Variants in SLC25A21 observed in about 807,000 individuals in gnomAD.
SLC25A21 encodes solute carrier family 25 member 21.
SLC25A21 carries 47 observed loss-of-function variants against 43.8 expected under a neutral mutation model. The observed-to-expected ratio is 1.07, with a 90% confidence interval of 0.85 to 1.37. The LOEUF is 1.37. SLC25A21 is among the 40% of genes most tolerant of loss of function. The pLI is 0.00. For missense variants in SLC25A21, 352 were observed against 350.2 expected (o/e 1.00, Z -0.04); for synonymous variants, 131 against 121.3 (o/e 1.08, Z -0.52).
intron 3 of SLC25A21, among the ~76,000 whole-genome samples, chr14:36,752,763 C>G (rs1426386545): frequency 1.3e-5 from 2 of 152,136 alleles, no homozygotes; most frequent in African/African-American, 4.8e-5. Flanking sequence ...AGCAGTTACC[C>G]TCATGCTGTT....
chr14:36,796,743 C>T (rs1360580883), intron 3 of SLC25A21, among the ~76,000 whole-genome samples: 1 of 152,094 alleles, frequency 6.6e-6, no homozygotes, highest in Non-Finnish European at 1.5e-5. Context: ...CAAAAACCTG[C>T]CAAGATCCAT....
At chr14:36,825,963 C>A (rs1305619748) in intron 2 of SLC25A21, among the ~76,000 whole-genome samples, 1 of 152,106 alleles carries the variant, frequency 6.6e-6, no homozygotes, top group African/African-American at 2.4e-5. Context: ...CAGTCACTCC[C>A]AAGTAATACC....
Position 36,725,646 on chromosome 14 carries a change from A to G in SLC25A21, c.362T>C (p.Leu121Pro). The change falls in exon 6 of 10, where the codon CTA becomes CCA. Residue 121 changes from leucine (L) to proline (P), a missense_variant. Physicochemically the swap from Leu to Pro is moderately conservative, Grantham distance 98. Transcript: ENST00000331299. The part of the protein sequence containing the change: ...TFAIAGLGSG[L>P]TEAIVVNPFE... ...AGGGTTAACTACAATGGCTTCTGTTAGTCCAGATCCCAATCCAGCAATGGC... is the reference window on the plus strand; with the variant it reads ...AGGGTTAACTACAATGGCTTCTGTTGGTCCAGATCCCAATCCAGCAATGGC... The G allele has an allele frequency of 6.3e-7, 1 of 1,599,750 alleles. No individual in the cohort carries two copies. Among genetic ancestry groups the G allele is most frequent in the Non-Finnish European group, 8.5e-7 (1 of 1,173,350 alleles).
intron 1 of SLC25A21, among the ~76,000 whole-genome samples, chr14:37,133,569 T>C (rs1963427803): frequency 1.3e-5 from 2 of 151,892 alleles, no homozygotes; most frequent in South Asian, 2.1e-4. Context: ...GTATCACCAA[T>C]TTATCTCCCC....
At chr14:36,746,008 A>G (rs1208209040) in intron 3 of SLC25A21, among the ~76,000 whole-genome samples, 1 of 152,186 alleles carries the variant, frequency 6.6e-6, no homozygotes, top group Non-Finnish European at 1.5e-5. Context: ...TGCTGGTGGA[A>G]ATGTAAAATA....
chr14:36,690,109 T>C (rs907460236), intron 7 of SLC25A21, among the ~76,000 whole-genome samples: 2 of 152,192 alleles, frequency 1.3e-5, no homozygotes, highest in Non-Finnish European at 1.5e-5. Context: ...ACCTATCTCA[T>C]AGTTTGAGTG....
At chr14:37,072,495 A>G (rs574750239) in intron 1 of SLC25A21, among the ~76,000 whole-genome samples, 2 of 152,246 alleles carry the variant, frequency 1.3e-5, no homozygotes, top group South Asian at 4.1e-4. Flanking sequence ...AGCTGGGTGC[A>G]ATGTCTCACG....
chr14:36,770,777 G>C (rs1886592480), intron 3 of SLC25A21, among the ~76,000 whole-genome samples: 1 of 152,144 alleles, frequency 6.6e-6, no homozygotes, highest in Non-Finnish European at 1.5e-5. Context: ...AAGATTTGGA[G>C]ACTGCCTGGA....
intron 1 of SLC25A21, among the ~76,000 whole-genome samples, chr14:37,163,313 T>C (rs1963980520): frequency 1.3e-5 from 2 of 150,284 alleles, no homozygotes; most frequent in African/African-American, 4.9e-5. Context: ...AATAAATAAA[T>C]AAATAAAAAG....
chr14:37,048,392 A>C (rs1961633306), intron 1 of SLC25A21, among the ~76,000 whole-genome samples: 1 of 152,104 alleles, frequency 6.6e-6, no homozygotes, highest in Admixed American at 6.5e-5. Context: ...TATGTATCTC[A>C]ATCAACTGTT....
intron 1 of SLC25A21, among the ~76,000 whole-genome samples, chr14:37,031,928 G>A (rs578046561): frequency 7.2e-5 from 11 of 152,250 alleles, no homozygotes; most frequent in Non-Finnish European, 1.2e-4. Context: ...CACATTGTAC[G>A]TAGAAAAGAC....
intron 1 of SLC25A21, among the ~76,000 whole-genome samples, chr14:36,999,436 T>C (rs541236811): frequency 6.6e-6 from 1 of 152,250 alleles, no homozygotes; most frequent in East Asian, 1.9e-4. Flanking sequence ...TCTCTGTATG[T>C]TTGGATACAT....
At chr14:37,152,410 C>T (rs1391748232) in intron 1 of SLC25A21, among the ~76,000 whole-genome samples, 3 of 131,288 alleles carry the variant, frequency 2.3e-5, no homozygotes, top group African/African-American at 8.6e-5. Flanking sequence ...TTGACAGAGT[C>T]TCGCTCTCTC....
At chr14:36,996,153 C>A (rs1594743876) in intron 1 of SLC25A21, among the ~76,000 whole-genome samples, 1 of 152,154 alleles carries the variant, frequency 6.6e-6, no homozygotes, top group East Asian at 1.9e-4. Flanking sequence ...GGGAATATCA[C>A]AACCCTTGTG....
At chr14:37,135,191 G>A (rs1963458614) in intron 1 of SLC25A21, among the ~76,000 whole-genome samples, 1 of 152,132 alleles carries the variant, frequency 6.6e-6, no homozygotes, top group Admixed American at 6.5e-5. Context: ...GCCTCCCAAA[G>A]TGCTGGGATT....
chr14:36,768,213 T>G (rs958552285), intron 3 of SLC25A21, among the ~76,000 whole-genome samples: 1 of 152,178 alleles, frequency 6.6e-6, no homozygotes, highest in Non-Finnish European at 1.5e-5. Flanking sequence ...GCCTAACTTG[T>G]TGACCAAGAG....
At chr14:36,896,114 T>G (rs1891231381) in intron 1 of SLC25A21, among the ~76,000 whole-genome samples, 1 of 152,198 alleles carries the variant, frequency 6.6e-6, no homozygotes. Flanking sequence ...TCTGTCTCGT[T>G]GATCTGTCTA....
intron 3 of SLC25A21, among the ~76,000 whole-genome samples, chr14:36,812,576 T>C (rs970389563): frequency 2.0e-5 from 3 of 151,768 alleles, no homozygotes; most frequent in African/African-American, 7.3e-5. Context: ...TAGCAAGAAT[T>C]TGGAAGCAAC....
At chr14:37,032,497 C>A (rs1277382366) in intron 1 of SLC25A21, among the ~76,000 whole-genome samples, 1 of 152,042 alleles carries the variant, frequency 6.6e-6, no homozygotes, top group Admixed American at 6.5e-5. Flanking sequence ...GATTGTGCCA[C>A]TGCACTCCAG....
Sources: gnomAD v4.1 joint callset for allele counts (sites outside exome capture counted in the v4.1 genomes callset) on GRCh38, gnomAD v4.1.1 for gene constraint, MANE v1.5 for transcripts, NCBI Gene and HGNC (gene_info 2026-07-23, HGNC 2026-07-21) for gene names.